TBCK: variants seen among roughly 807,000 people sequenced by gnomAD.
TBCK encodes TBC1 domain containing kinase, also known as TBC domain-containing protein kinase-like protein.
In TBCK, 99 loss-of-function variants were observed where a neutral mutation model predicts 113.4. That is an observed-to-expected ratio of 0.87 (90% CI 0.74 to 1.03). The LOEUF (loss-of-function observed/expected upper bound fraction) is 1.03, where lower values mean the gene tolerates loss of function less well. TBCK is among the 50% of genes least tolerant of loss of function. The pLI is 0.00. For missense variants in TBCK, 1,045 were observed against 1,061.3 expected (o/e 0.98, Z 0.21); for synonymous variants, 369 against 370.8 (o/e 1.00, Z 0.05).
At chr4:106,122,503 G>T (rs1744551987) in intron 23 of TBCK, among the ~76,000 whole-genome samples, 1 of 152,082 alleles carries the variant, frequency 6.6e-6, no homozygotes, top group Admixed American at 6.6e-5. Flanking sequence ...GAAAAAGAGG[G>T]AATCCTCCCT....
intron 24 of TBCK, among the ~76,000 whole-genome samples, chr4:106,105,219 A>G (rs1742003506): frequency 6.6e-6 from 1 of 152,206 alleles, no homozygotes. Context: ...CACACTCCCC[A>G]AAACTCATCA....
chr4:106,286,652 C>A (rs934235894), intron 3 of TBCK, among the ~76,000 whole-genome samples: 18 of 152,114 alleles, frequency 1.2e-4, no homozygotes, highest in African/African-American at 4.3e-4. Context: ...CATAATGAGA[C>A]CCCTGTATAT....
intron 7 of TBCK, among the ~76,000 whole-genome samples, chr4:106,249,421 C>A (rs949897992): frequency 6.6e-6 from 1 of 152,058 alleles, no homozygotes; most frequent in Non-Finnish European, 1.5e-5. Context: ...TATGTAGGAC[C>A]GACTTTTCAT....
At chr4:106,292,297 C>T (rs753778136) in intron 3 of TBCK, among the ~76,000 whole-genome samples, 5 of 152,002 alleles carry the variant, frequency 3.3e-5, no homozygotes, top group East Asian at 1.9e-4. Flanking sequence ...CTTGGCTGGG[C>T]GCGGTGGCTG....
chr4:106,063,403 TATC>T (rs1212958358), intron 25 of TBCK, among the ~76,000 whole-genome samples: 1 of 151,996 alleles, frequency 6.6e-6, no homozygotes, highest in African/African-American at 2.4e-5. Context: ...GTTCTAGAAG[TATC>T]ATATTAATCT....
At chr4:106,055,909 T>C (rs1735329679) in intron 25 of TBCK, among the ~76,000 whole-genome samples, 1 of 151,604 alleles carries the variant, frequency 6.6e-6, no homozygotes, top group African/African-American at 2.4e-5. Flanking sequence ...GAATAATTCA[T>C]TTATAAGCTT....
chr4:106,148,290 C>T (rs1467530701), intron 23 of TBCK, among the ~76,000 whole-genome samples: 1 of 152,202 alleles, frequency 6.6e-6, no homozygotes, highest in Non-Finnish European at 1.5e-5. Flanking sequence ...CACACTCCCT[C>T]CCCTTTTGAA....
intron 25 of TBCK, among the ~76,000 whole-genome samples, chr4:106,063,353 A>C (rs1236487339): frequency 6.6e-6 from 1 of 151,920 alleles, no homozygotes; most frequent in African/African-American, 2.4e-5. Flanking sequence ...AGGTCTAATA[A>C]ATTTTAGAAC....
chr4:106,270,438 A>G (rs1366559100), intron 3 of TBCK, among the ~76,000 whole-genome samples: 1 of 152,216 alleles, frequency 6.6e-6, no homozygotes, highest in Non-Finnish European at 1.5e-5. Context: ...ACACTAGGTA[A>G]TAAGTCCAAC....
chr4:106,116,488 G>A (rs1446098067), intron 23 of TBCK, 110 bp from the exon 24 acceptor site: 2 of 901,842 alleles, frequency 2.2e-6, no homozygotes, highest in African/African-American at 1.7e-5. Context: ...AAGAGAAGAG[G>A]AAACTATCTA....
chr4:106,292,256 T>C (rs1765799930), intron 3 of TBCK, among the ~76,000 whole-genome samples: 1 of 152,048 alleles, frequency 6.6e-6, no homozygotes, highest in Non-Finnish European at 1.5e-5. Context: ...AGGATATGAT[T>C]AAAATTATCA....
At chr4:106,292,062 A>T (rs1041834692) in intron 3 of TBCK, among the ~76,000 whole-genome samples, 1 of 152,196 alleles carries the variant, frequency 6.6e-6, no homozygotes, top group African/African-American at 2.4e-5. Flanking sequence ...TAAATATCAG[A>T]GAAACTGAAT....
chr4:106,086,623 CAACA>C (rs1338950605), intron 25 of TBCK, among the ~76,000 whole-genome samples: 3 of 152,132 alleles, frequency 2.0e-5, no homozygotes, highest in Non-Finnish European at 2.9e-5. Flanking sequence ...GGAAGAGACA[CAACA>C]AACAAAGAAA....
At chr4:106,077,371 A>T (rs1448081259) in intron 25 of TBCK, among the ~76,000 whole-genome samples, 1 of 152,224 alleles carries the variant, frequency 6.6e-6, no homozygotes, top group African/African-American at 2.4e-5. Flanking sequence ...AATGGTATAG[A>T]GTGTCAAGGC....
At chr4:106,131,678 G>A (rs1745950704) in intron 23 of TBCK, among the ~76,000 whole-genome samples, 1 of 152,146 alleles carries the variant, frequency 6.6e-6, no homozygotes, top group African/African-American at 2.4e-5. Context: ...CTGTAAAGAT[G>A]CCCAAAAATG....
At position 106,255,466 on chromosome 4, in the gene TBCK, G is replaced by A. The variant is rs1017177037; in HGVS notation, c.456-3459C>T. ...ACACTGGCTGTGGCATGGCAAGCAG[G>A]TCCAGGTGCTGGCATAGGCACTGGC... On this transcript the variant is annotated intron_variant, in intron 5 of 25. Coordinates refer to ENST00000394708, the MANE Select transcript of TBCK (RefSeq NM_001163435.3). Among the ~76,000 whole-genome samples the A allele has an allele frequency of 3.3e-5, 5 of 152,332 alleles. 1 individual carries two copies. Among genetic ancestry groups the A allele is most frequent in the Middle Eastern group, 6.8e-3 (2 of 294 alleles).
chr4:106,133,152 C>T (rs1178435126), intron 23 of TBCK, among the ~76,000 whole-genome samples: 1 of 152,106 alleles, frequency 6.6e-6, no homozygotes, highest in African/African-American at 2.4e-5. Flanking sequence ...TGTGTCCCCA[C>T]CCAAATCTCA....
chr4:106,056,301 C>T (rs559609279), intron 25 of TBCK, among the ~76,000 whole-genome samples: 8 of 142,674 alleles, frequency 5.6e-5, no homozygotes, highest in South Asian at 4.4e-4. Context: ...AACAAGGTCT[C>T]GCTTTGTTGC....
chr4:106,128,127 T>C (rs973175659), intron 23 of TBCK, among the ~76,000 whole-genome samples: 1 of 152,158 alleles, frequency 6.6e-6, no homozygotes, highest in African/African-American at 2.4e-5. Flanking sequence ...GATTCAATAT[T>C]AGGAAAATTT....
Sources: allele counts gnomAD v4.1 joint callset (sites outside exome capture counted in the v4.1 genomes callset), GRCh38; gene constraint gnomAD v4.1.1; transcripts MANE v1.5; gene names NCBI Gene and HGNC (gene_info 2026-07-23, HGNC 2026-07-21).